FSTL5: variants seen among roughly 807,000 people sequenced by gnomAD.
FSTL5 encodes follistatin-related protein 5.
A neutral mutation model predicts 89.1 loss-of-function variants in FSTL5; 62 were observed. The ratio of observed to expected loss-of-function variants is 0.70; its 90% CI spans 0.57 to 0.86. The LOEUF is 0.86. Among genes scored for constraint, FSTL5 ranks in the 40% least tolerant of loss-of-function variants. The probability of loss-of-function intolerance (pLI) is 0.00; values close to 1 mark genes in which losing one functional copy is unlikely to be tolerated. For missense variants in FSTL5, 1,057 were observed against 1,001.6 expected (o/e 1.06, Z -0.75); for synonymous variants, 383 against 346.2 (o/e 1.11, Z -1.18).
At chr4:161,908,422 G>A (rs991697470) in intron 4 of FSTL5, among the ~76,000 whole-genome samples, 10 of 151,938 alleles carry the variant, frequency 6.6e-5, no homozygotes, top group African/African-American at 2.2e-4. Context: ...GTAGCACTTT[G>A]AGCATTTATA....
chr4:162,146,036 A>C (rs1006165293), intron 1 of FSTL5, among the ~76,000 whole-genome samples: 1 of 152,144 alleles, frequency 6.6e-6, no homozygotes, highest in African/African-American at 2.4e-5. Flanking sequence ...AATAATAGTT[A>C]AGATTTTGAT....
chr4:161,993,597 T>A (rs1736200796), intron 3 of FSTL5, among the ~76,000 whole-genome samples: 1 of 152,086 alleles, frequency 6.6e-6, no homozygotes, highest in African/African-American at 2.4e-5. Context: ...TGGGTGTACA[T>A]TGAAATCAAA....
chr4:161,653,322 G>A (rs1476693992), intron 7 of FSTL5, among the ~76,000 whole-genome samples: 1 of 152,116 alleles, frequency 6.6e-6, no homozygotes, highest in Non-Finnish European at 1.5e-5. Flanking sequence ...TTTGAAAATA[G>A]TATCCTCTGT....
chr4:162,020,452 TTATTAAG>T (rs1192387761), intron 3 of FSTL5, among the ~76,000 whole-genome samples: 3 of 152,114 alleles, frequency 2.0e-5, no homozygotes, highest in African/African-American at 4.8e-5. Context: ...AAGTTAGCAA[TTATTAAG>T]TATTAACTAT....
At chr4:161,388,236 T>C (rs1428517207) in intron 15 of FSTL5, 1 of 152,044 alleles carries the variant, frequency 6.6e-6, no homozygotes, top group Non-Finnish European at 1.5e-5. Context: ...TCTGTGTCCT[T>C]AATAAATGTG....
At chr4:162,133,601 C>T (rs1369239113) in intron 1 of FSTL5, among the ~76,000 whole-genome samples, 1 of 151,836 alleles carries the variant, frequency 6.6e-6, no homozygotes, top group Non-Finnish European at 1.5e-5. Flanking sequence ...AAAATATAGC[C>T]CTTATTGTAC....
At chr4:161,787,047 T>G (rs1741929864) in intron 4 of FSTL5, among the ~76,000 whole-genome samples, 1 of 152,090 alleles carries the variant, frequency 6.6e-6, no homozygotes, top group Admixed American at 6.6e-5. Context: ...AGTAGAAAAG[T>G]AGAGGTGAAT....
chr4:161,391,280 G>T (rs1730813862), intron 15 of FSTL5, among the ~76,000 whole-genome samples: 1 of 152,098 alleles, frequency 6.6e-6, no homozygotes, highest in Admixed American at 6.5e-5. Context: ...ATGATTAAGT[G>T]GTTAGTGTTT....
intron 7 of FSTL5, among the ~76,000 whole-genome samples, chr4:161,602,806 T>A (rs925207535): frequency 7.2e-5 from 11 of 152,162 alleles, no homozygotes; most frequent in Non-Finnish European, 1.5e-4. Context: ...GAATGTCATA[T>A]ACAGCAAAAG....
chr4:161,463,738 A>G (rs1733654391), intron 13 of FSTL5, among the ~76,000 whole-genome samples: 1 of 152,232 alleles, frequency 6.6e-6, no homozygotes, highest in Non-Finnish European at 1.5e-5. Flanking sequence ...CAACTTCTGA[A>G]CTTCTTTGTC....
At chr4:161,422,182 T>C (rs987147980) in intron 15 of FSTL5, among the ~76,000 whole-genome samples, 1 of 152,034 alleles carries the variant, frequency 6.6e-6, no homozygotes, top group Non-Finnish European at 1.5e-5. Context: ...CAGACTAATA[T>C]AGTTGGCATT....
intron 8 of FSTL5, among the ~76,000 whole-genome samples, chr4:161,574,177 C>T (rs368387272): frequency 1.9e-4 from 29 of 152,210 alleles, no homozygotes; most frequent in African/African-American, 7.0e-4. Flanking sequence ...GATCCTTAAA[C>T]TATATACATG....
At chr4:161,806,646 G>T (rs1729975722) in intron 4 of FSTL5, among the ~76,000 whole-genome samples, 1 of 151,998 alleles carries the variant, frequency 6.6e-6, no homozygotes, top group Non-Finnish European at 1.5e-5. Context: ...CAAGATAGTG[G>T]CTATAAAATT....
chr4:161,637,477 A>G (rs1578985520), intron 7 of FSTL5, among the ~76,000 whole-genome samples: 1 of 151,758 alleles, frequency 6.6e-6, no homozygotes, highest in Non-Finnish European at 1.5e-5. Flanking sequence ...ATGAGATCTC[A>G]TTTGTCAATT....
chr4:161,893,470 A>T (rs1422449935), intron 4 of FSTL5, among the ~76,000 whole-genome samples: 2 of 152,132 alleles, frequency 1.3e-5, no homozygotes, highest in Non-Finnish European at 2.9e-5. Flanking sequence ...TAATGTTCTC[A>T]TCAATATAAA....
intron 7 of FSTL5, among the ~76,000 whole-genome samples, chr4:161,647,790 G>T (rs1041181409): frequency 6.6e-6 from 1 of 152,116 alleles, no homozygotes; most frequent in African/African-American, 2.4e-5. Context: ...AGACCTAGGT[G>T]AGGACAGGCA....
At chr4:162,151,751 C>G in intron 1 of FSTL5, among the ~76,000 whole-genome samples, 1 of 152,152 alleles carries the variant, frequency 6.6e-6, no homozygotes, top group East Asian at 1.9e-4. Flanking sequence ...ACAGCAATTT[C>G]AAGAGAAACA....
At position 161,510,414 on chromosome 4, in the gene FSTL5, T is replaced by G; in HGVS notation, c.1323A>C (p.Ile441=). Residue 441 remains isoleucine (I), a synonymous_variant, in exon 11 of 16, where the codon ATA becomes ATC. Coordinates refer to ENST00000306100, the MANE Select transcript of FSTL5 (RefSeq NM_020116.5). ...EDSARKTLAN[I]LWREEGLGIG... ...ACTTAGTACCTTCTTCTCTCCATAATATGTTAGCTACTGCAGCATGTTGAA... is the reference window on the plus strand; with the variant it reads ...ACTTAGTACCTTCTTCTCTCCATAAGATGTTAGCTACTGCAGCATGTTGAA... 2.0e-6 allele frequency: 3 copies of G among 1,538,242 alleles called. No homozygotes were observed. The highest frequency in any genetic ancestry group is 2.6e-6 in the Non-Finnish European group (3 of 1,143,060).
intron 7 of FSTL5, among the ~76,000 whole-genome samples, chr4:161,590,034 T>C (rs1338782783): frequency 6.6e-6 from 1 of 152,078 alleles, no homozygotes; most frequent in Non-Finnish European, 1.5e-5. Context: ...AATCATTAGC[T>C]CACCACTAAG....
Sources: allele counts gnomAD v4.1 joint callset (sites outside exome capture counted in the v4.1 genomes callset), GRCh38; gene constraint gnomAD v4.1.1; transcripts MANE v1.5; gene names NCBI Gene and HGNC (gene_info 2026-07-23, HGNC 2026-07-21).